The following PREP variants were observed in gnomAD, a reference collection of about 807,000 sequenced individuals.
PREP encodes prolyl endopeptidase.
PREP carries 29 observed loss-of-function variants against 87.6 expected under a neutral mutation model. That is an observed-to-expected ratio of 0.33 (90% confidence interval 0.25 to 0.45). PREP has a LOEUF of 0.45. Among genes scored for constraint, PREP ranks in the 20% least tolerant of loss-of-function variants. PREP has a pLI of 1.00. For missense variants in PREP, 695 were observed against 886.5 expected (o/e 0.78, Z 2.74); for synonymous variants, 337 against 328.6 (o/e 1.03, Z -0.28).
At chr6:105,287,766 T>C (rs1338195670) in intron 11 of PREP, among the ~76,000 whole-genome samples, 2 of 152,236 alleles carry the variant, frequency 1.3e-5, no homozygotes, top group African/African-American at 4.8e-5. Context: ...AGAAGTTGGC[T>C]CAAAGCTAGT....
At chr6:105,397,985 T>C in intron 1 of PREP, 58 bp from the exon 2 acceptor site, 2 of 1,309,626 alleles carry the variant, frequency 1.5e-6, no homozygotes, top group South Asian at 2.4e-5. Flanking sequence ...TTAAAACTGG[T>C]ATTTTTTTAA....
rs572616133 is a variant in PREP, at chr6:105,280,127, A to G, written c.1838+1619T>C. ...CTAGCCATAAAAAGCAAACAAAATG[A>G]AAGAGCAAACTTTAGAAACTTGGCC... On this transcript the variant is annotated intron_variant, in intron 14 of 14. Coordinates refer to ENST00000652536, the MANE Select transcript of PREP (RefSeq NM_002726.5). Among the ~76,000 whole-genome samples, 3 of 152,314 alleles carry G rather than the reference A, an allele frequency of 2.0e-5. No homozygotes were observed. In the South Asian group the frequency reaches 6.2e-4, roughly 32 times the overall value.
intron 11 of PREP, among the ~76,000 whole-genome samples, chr6:105,288,391 C>T (rs1583036587): frequency 6.6e-6 from 1 of 152,194 alleles, no homozygotes. Context: ...GTTCTTGTTG[C>T]CTAGGCTGGA....
chr6:105,303,806 C>T (rs2114628861), intron 10 of PREP, among the ~76,000 whole-genome samples: 1 of 152,304 alleles, frequency 6.6e-6, no homozygotes, highest in South Asian at 2.1e-4. Context: ...CAGAACCTTG[C>T]AAGCTAATTA....
chr6:105,305,844 C>CTT lies in PREP; in HGVS notation c.1318-16952_1318-16951dup, dbSNP rs35115122. On this transcript the variant is annotated intron_variant, in intron 10 of 14. Coordinates refer to ENST00000652536, the MANE Select transcript of PREP (RefSeq NM_002726.5). ...TTTAATCTTACAGATATATCCTTTT[C>CTT]TTTTTTTTTTGGGGGGGACAGGTTC... 4.2e-3 allele frequency among the ~76,000 whole-genome samples: 611 copies of CTT among 145,618 alleles called. 1 individual carries two copies. Among genetic ancestry groups the CTT allele is most frequent in the South Asian group, 0.012 (56 of 4,644 alleles).
chr6:105,376,967 C>T (rs998980539), intron 3 of PREP, among the ~76,000 whole-genome samples: 23 of 152,132 alleles, frequency 1.5e-4, no homozygotes, highest in Admixed American at 1.1e-3. Flanking sequence ...TGGGTGTTAA[C>T]GGGACAGGAA....
chr6:105,302,241 C>A (rs1627584), intron 10 of PREP, among the ~76,000 whole-genome samples: 14,157 of 152,216 alleles, frequency 0.093, 768 homozygotes, highest in African/African-American at 0.14. Flanking sequence ...ACATGGCTCA[C>A]TGCAATGGGA....
chr6:105,349,497 C>T (rs1380686388), intron 7 of PREP, among the ~76,000 whole-genome samples: 5 of 152,034 alleles, frequency 3.3e-5, no homozygotes, highest in Non-Finnish European at 7.4e-5. Flanking sequence ...GCTTTTTGTG[C>T]TCTCATTTCA....
intron 10 of PREP, among the ~76,000 whole-genome samples, chr6:105,299,990 A>G (rs1149307): frequency 0.092 from 13,887 of 151,284 alleles, 740 homozygotes; most frequent in African/African-American, 0.13. Context: ...TCTGCCTCCT[A>G]GGTTCAAGCG....
chr6:105,349,832 C>G (rs1771897927), intron 7 of PREP, among the ~76,000 whole-genome samples: 1 of 135,044 alleles, frequency 7.4e-6, no homozygotes, highest in Admixed American at 8.4e-5. Flanking sequence ...GTGCATTTAG[C>G]ATTTAAGTTA....
chr6:105,397,870 C>T lies in PREP; in HGVS notation c.103G>A (p.Asp35Asn), dbSNP rs761931460. 44 of 1,611,250 alleles carry T rather than the reference C, an allele frequency of 2.7e-5. No homozygotes were observed. The African/African-American group carries it at 3.6e-4, about 13-fold the overall frequency. Residue 35 changes from aspartate to asparagine, a missense_variant, in exon 2 of 15, where the codon GAC becomes AAC. Coordinates refer to ENST00000652536, the MANE Select transcript of PREP (RefSeq NM_002726.5). Reference sequence around the variant, plus strand: ...CAAATTACCTTAGTCTGTTCACTGTCGGGGTCTTCAAGCCAGGCGTAAGGG... The same window carrying T: ...CAAATTACCTTAGTCTGTTCACTGTTGGGGTCTTCAAGCCAGGCGTAAGGG... ...CDPYAWLEDP[D>N]SEQTKAFVEA...
rs576726841 is a variant in PREP, at chr6:105,339,105, C to A, written c.824-5600G>T. ...GCCTCCTAAAGTGGGTCCCTGACCC[C>A]TGAGTAGCCTAAGTGGGAGGCACCT... On this transcript the variant is annotated intron_variant, in intron 7 of 14. Transcript: ENST00000652536. 1.3e-5 allele frequency among the ~76,000 whole-genome samples: 2 copies of A among 152,356 alleles called. 1 individual carries two copies. Among genetic ancestry groups the A allele is most frequent in the South Asian group, 4.1e-4 (2 of 4,826 alleles).
In PREP at chr6:105,287,502, G is replaced by A. The variant is rs372468851; in HGVS notation, c.1454+1256C>T. Among the ~76,000 whole-genome samples, 14 of 152,076 alleles carry A rather than the reference G, an allele frequency of 9.2e-5. No individual in the cohort carries two copies. In the East Asian group the frequency reaches 1.5e-3, roughly 17 times the overall value. On this transcript the variant is annotated intron_variant, in intron 11 of 14. Coordinates refer to ENST00000652536, the MANE Select transcript of PREP (RefSeq NM_002726.5). ...ATGCAAACTCTTCTGCCAGATATTC[G>A]AGGTCTACAATTTCATTATAAATCA... is the stretch of plus-strand genomic sequence containing the variant.
At chr6:105,396,972 C>T (rs1005970932) in intron 2 of PREP, among the ~76,000 whole-genome samples, 5 of 151,812 alleles carry the variant, frequency 3.3e-5, no homozygotes, top group African/African-American at 1.2e-4. Flanking sequence ...TCACTTGAGG[C>T]CAGGAGTTCG....
intron 10 of PREP, among the ~76,000 whole-genome samples, chr6:105,290,913 C>A (rs1172561012): frequency 6.6e-6 from 1 of 152,132 alleles, no homozygotes. Flanking sequence ...CAAGAAGTTT[C>A]TTTATTTTAG....
chr6:105,384,283 G>C (rs1170261593), intron 2 of PREP, among the ~76,000 whole-genome samples: 1 of 152,174 alleles, frequency 6.6e-6, no homozygotes, highest in Admixed American at 6.5e-5. Context: ...ACTGAATTCA[G>C]GAGTGTACAG....
intron 12 of PREP, among the ~76,000 whole-genome samples, chr6:105,283,683 T>C (rs1283312652): frequency 6.6e-6 from 1 of 152,222 alleles, no homozygotes; most frequent in East Asian, 1.9e-4. Context: ...TACCAGTGTA[T>C]CATATCCTAG....
chr6:105,282,700 G>A lies in PREP; in HGVS notation c.1550-118C>T, dbSNP rs1438333523. 4 of 1,148,502 alleles carry A rather than the reference G, an allele frequency of 3.5e-6. No homozygotes were observed. In the East Asian group the frequency reaches 1.0e-4, roughly 29 times the overall value. 71.1% of individuals were successfully genotyped at this position (1,148,502 alleles called of 1,614,324 possible). A position where few individuals can be genotyped will look rare whatever the true frequency, so the allele number is the denominator to read the frequency against. On this transcript the variant is annotated intron_variant, in intron 12 of 14. Transcript: ENST00000652536. ...ATACTGATTAACTTAAAAACCATGGGTTAACACTGCATTTAAAAAAAAGCC... is the reference window on the plus strand; with the variant it reads ...ATACTGATTAACTTAAAAACCATGGATTAACACTGCATTTAAAAAAAAGCC...
At position 105,318,684 on chromosome 6, in the gene PREP, A is replaced by C. The variant is rs377041170; in HGVS notation, c.1317+4981T>G. 1.9e-3 allele frequency among the ~76,000 whole-genome samples: 287 copies of C among 152,344 alleles called. 3 individuals are homozygous for C. The highest frequency in any genetic ancestry group is 3.4e-3 in the Middle Eastern group (1 of 294). On this transcript the variant is annotated intron_variant, in intron 10 of 14. Transcript: ENST00000652536. ...AGGCAATAAATCAGCAAGAACCGATACCAATTCAAGCAGTTTCCTAACCAT... is the reference window on the plus strand; with the variant it reads ...AGGCAATAAATCAGCAAGAACCGATCCCAATTCAAGCAGTTTCCTAACCAT...
Sources: allele counts gnomAD v4.1 joint callset (sites outside exome capture counted in the v4.1 genomes callset), GRCh38; gene constraint gnomAD v4.1.1; transcripts MANE v1.5; gene names NCBI Gene and HGNC (gene_info 2026-07-23, HGNC 2026-07-21).